Variants in ZDHHC13 observed in about 807,000 individuals in gnomAD.
ZDHHC13 encodes zDHHC palmitoyltransferase 13, also known as palmitoyltransferase ZDHHC13.
Under a neutral mutation model 86.0 loss-of-function variants are expected in ZDHHC13, and 85 were observed. The observed-to-expected ratio is 0.99, with a 90% CI of 0.83 to 1.18. The LOEUF (loss-of-function observed/expected upper bound fraction) is 1.18, where lower values mean the gene tolerates loss of function less well. Ranked by LOEUF, ZDHHC13 falls within the 50% of genes most tolerant of loss-of-function variation. The pLI is 0.00. For synonymous variants in ZDHHC13, 263 were observed against 246.4 expected (o/e 1.07, Z -0.63); for missense variants, 711 against 730.2 (o/e 0.97, Z 0.30).
intron 1 of ZDHHC13, among the ~76,000 whole-genome samples, chr11:19,137,286 A>T (rs1849169560): frequency 6.6e-6 from 1 of 152,106 alleles, no homozygotes; most frequent in South Asian, 2.1e-4. Context: ...GATAAAACAG[A>T]CTTTGAACCA....
chr11:19,151,379 T>C (rs1259773423), intron 6 of ZDHHC13, among the ~76,000 whole-genome samples: 4 of 152,070 alleles, frequency 2.6e-5, no homozygotes, highest in Non-Finnish European at 4.4e-5. Flanking sequence ...GTTCTCACTT[T>C]AGCAGTTTGT....
intron 1 of ZDHHC13, among the ~76,000 whole-genome samples, chr11:19,131,014 T>TTTTGTTTG (rs747648195): frequency 1.3e-5 from 2 of 151,632 alleles, no homozygotes; most frequent in South Asian, 2.1e-4. Flanking sequence ...CCCGGCTAAT[T>TTTTGTTTG]TTTGTTTGTT....
At chr11:19,173,042 A>G (rs1164574108) in intron 16 of ZDHHC13, among the ~76,000 whole-genome samples, 1 of 152,212 alleles carries the variant, frequency 6.6e-6, no homozygotes, top group Non-Finnish European at 1.5e-5. Context: ...GACACAGCAC[A>G]AATAGTAAGT....
intron 1 of ZDHHC13, among the ~76,000 whole-genome samples, chr11:19,129,815 G>A (rs1450018506): frequency 1.3e-5 from 2 of 152,094 alleles, no homozygotes; most frequent in African/African-American, 2.4e-5. Flanking sequence ...GCTGGGGGCC[G>A]GGTGCGGTCG....
intron 3 of ZDHHC13, among the ~76,000 whole-genome samples, chr11:19,146,677 G>A (rs544438105): frequency 1.3e-3 from 193 of 152,190 alleles, no homozygotes; most frequent in South Asian, 7.7e-3. Flanking sequence ...AGATAGGTAG[G>A]AGATTTAACC....
At chr11:19,152,427 G>A in intron 7 of ZDHHC13, 107 bp downstream of exon 7, 2 of 1,446,240 alleles carry the variant, frequency 1.4e-6, no homozygotes, top group Non-Finnish European at 1.8e-6. Context: ...CCCCAAGATA[G>A]ATATAAATGA....
At chr11:19,140,219 G>C (rs1228125252) in intron 1 of ZDHHC13, among the ~76,000 whole-genome samples, 1 of 151,352 alleles carries the variant, frequency 6.6e-6, no homozygotes, top group Non-Finnish European at 1.5e-5. Context: ...AAATTTACAA[G>C]AAAAAAACAA....
intron 9 of ZDHHC13, among the ~76,000 whole-genome samples, chr11:19,157,460 G>C (rs910881127): frequency 2.6e-5 from 4 of 152,170 alleles, no homozygotes; most frequent in South Asian, 2.1e-4. Flanking sequence ...TCTTACTACT[G>C]TATCACCCAA....
chr11:19,127,243 A>G (rs140424556), intron 1 of ZDHHC13, among the ~76,000 whole-genome samples: 1 of 152,002 alleles, frequency 6.6e-6, no homozygotes, highest in Non-Finnish European at 1.5e-5. Flanking sequence ...TGCTGGCTGC[A>G]TTTATGTCTT....
At chr11:19,164,779 T>C (rs1007867585) in intron 12 of ZDHHC13, 2 of 448,026 alleles carry the variant, frequency 4.5e-6, no homozygotes, top group African/African-American at 2.0e-5. Context: ...CTTCCCTTGG[T>C]TGAGTGCTTA....
intron 1 of ZDHHC13, among the ~76,000 whole-genome samples, chr11:19,126,511 T>TC (rs1848881969): frequency 6.9e-6 from 1 of 144,134 alleles, no homozygotes. Context: ...AATTTTTTTT[T>TC]TTTTTTTTTT....
chr11:19,132,761 G>GGTTTT (rs1849030118), intron 1 of ZDHHC13, among the ~76,000 whole-genome samples: 1 of 152,004 alleles, frequency 6.6e-6, no homozygotes, highest in African/African-American at 2.4e-5. Context: ...TATTTGTTTT[G>GGTTTT]TTTTGTTTTT....
chr11:19,165,431 A>G (rs1850036446), intron 13 of ZDHHC13, among the ~76,000 whole-genome samples: 1 of 152,236 alleles, frequency 6.6e-6, no homozygotes, highest in Admixed American at 6.5e-5. Context: ...TTACAGTGAC[A>G]CAACTAGTAA....
intron 14 of ZDHHC13, chr11:19,169,289 C>A (rs1850154692): frequency 1.0e-6 from 1 of 985,304 alleles, no homozygotes; most frequent in South Asian, 4.7e-5. Flanking sequence ...TCTTTGCCAT[C>A]CTAATGAGAT....
chr11:19,173,316 T>C (rs897462875), intron 16 of ZDHHC13, among the ~76,000 whole-genome samples: 1 of 152,230 alleles, frequency 6.6e-6, no homozygotes, highest in Non-Finnish European at 1.5e-5. Flanking sequence ...TTTGGATTTG[T>C]TCCCCCTGGA....
At chr11:19,137,447 G>A (rs556925963) in intron 1 of ZDHHC13, among the ~76,000 whole-genome samples, 28 of 152,036 alleles carry the variant, frequency 1.8e-4, no homozygotes, top group African/African-American at 6.3e-4. Flanking sequence ...AAGAGACTTA[G>A]ACTCCCACAC....
At chr11:19,137,966 T>C (rs1329101685) in intron 1 of ZDHHC13, among the ~76,000 whole-genome samples, 4 of 148,878 alleles carry the variant, frequency 2.7e-5, no homozygotes, top group African/African-American at 9.9e-5. Context: ...GCAGGAAAGA[T>C]CCAAAATTGA....
chr11:19,136,121 C>A (rs1377047742), intron 1 of ZDHHC13, among the ~76,000 whole-genome samples: 1 of 152,012 alleles, frequency 6.6e-6, no homozygotes, highest in Non-Finnish European at 1.5e-5. Context: ...GATCAAATTA[C>A]TCTGAGCTAC....
At chr11:19,143,810 T>A (rs890283329) in intron 2 of ZDHHC13, among the ~76,000 whole-genome samples, 1 of 152,214 alleles carries the variant, frequency 6.6e-6, no homozygotes, top group Non-Finnish European at 1.5e-5. Flanking sequence ...TATTAACATC[T>A]ATCACACCTC....
Sources: gnomAD v4.1 joint callset for allele counts (sites outside exome capture counted in the v4.1 genomes callset) on GRCh38, gnomAD v4.1.1 for gene constraint, MANE v1.5 for transcripts, NCBI Gene and HGNC (gene_info 2026-07-23, HGNC 2026-07-21) for gene names.